The following OR9G1 variants were observed in gnomAD, a reference collection of about 807,000 sequenced individuals.
OR9G1 encodes the protein olfactory receptor 9G1.
OR9G1 carries 21 observed loss-of-function variants against 14.5 expected under a neutral mutation model. That is an observed-to-expected ratio of 1.45 (90% CI 1.03 to 2.09). OR9G1 has a LOEUF of 2.09. Among genes scored for constraint, OR9G1 ranks in the 30% most tolerant of loss-of-function variants. OR9G1 has a pLI of 0.00. For synonymous variants in OR9G1, 179 were observed against 153.3 expected (o/e 1.17, Z -1.24); for missense variants, 476 against 364.2 (o/e 1.31, Z -2.50).
intron 1 of OR9G1, 55 bp from the exon 2 acceptor site, chr11:56,700,314 TA>T: frequency 6.3e-7 from 1 of 1,575,214 alleles, no homozygotes; most frequent in Non-Finnish European, 8.6e-7. Flanking sequence ...TTATGTAACA[TA>T]ATTCTACATA....
Position 56,701,101 on chromosome 11 carries a change from C to A in OR9G1, c.714C>A (p.Ser238=). ...CCAAGGGCTACCTCAAAGCCTTCTC[C>A]ACATGCTCCTCCCACCTGACCTCTG... ...SSSKGYLKAF[S]TCSSHLTSVT... The change falls in exon 2 of 2, where the codon TCC becomes TCA. Residue 238 remains serine, a synonymous_variant. Coordinates refer to ENST00000642097, the MANE Select transcript of OR9G1 (RefSeq NM_001005213.2). 2 of 1,614,308 alleles carry A rather than the reference C, an allele frequency of 1.2e-6. No individual in the cohort carries two copies. Among genetic ancestry groups the A allele is most frequent in the Non-Finnish European group, 1.7e-6 (2 of 1,180,048 alleles).
Position 56,701,706 on chromosome 11 carries a change from C to G in OR9G1, c.*401C>G, listed in dbSNP as rs1253496699. On this transcript the variant is annotated 3_prime_UTR_variant, in exon 2 of 2. Coordinates refer to ENST00000642097, the MANE Select transcript of OR9G1 (RefSeq NM_001005213.2). The stretch of plus-strand genomic sequence containing the variant: ...ATGTTTAACTGGATGAAATTCATCA[C>G]TTTCCATTCCCTGAACAGAATATCT... The G allele has an allele frequency of 1.1e-5, 2 of 174,988 alleles. No individual in the cohort carries two copies. Among genetic ancestry groups the G allele is most frequent in the African/African-American group, 4.7e-5 (2 of 42,242 alleles). 10.8% of individuals were successfully genotyped at this position (174,988 alleles called of 1,614,324 possible).
Position 56,703,223 on chromosome 11 carries a change from T to G in OR9G1, c.*1918T>G, listed in dbSNP as rs148944479. 6.6e-5 allele frequency: 10 copies of G among 152,428 alleles called. No homozygotes were observed. The highest frequency in any genetic ancestry group is 2.4e-4 in the African/African-American group (10 of 41,610). 9.4% of individuals were successfully genotyped at this position (152,428 alleles called of 1,614,324 possible). A position where few individuals can be genotyped will look rare whatever the true frequency, so the allele number is the denominator to read the frequency against. On this transcript the variant is annotated 3_prime_UTR_variant, in exon 2 of 2. Transcript: ENST00000642097. ...AATGCAAGAAACTGAATTAGGCAGG[T>G]AGACCCAGAAAATGTACAAGATTCA...
Position 56,703,806 on chromosome 11 carries a change from A to C in OR9G1, c.*2501A>C, listed in dbSNP as rs1441891667. On this transcript the variant is annotated 3_prime_UTR_variant, in exon 2 of 2. Transcript: ENST00000642097. ...ATATGCCCATATATCCATATATTGT[A>C]AACATAGCTCGCTAAGTGCATATTC... 1 of 398 alleles carries C rather than the reference A, an allele frequency of 2.5e-3. No individual in the cohort carries two copies. Among genetic ancestry groups the C allele is most frequent in the Non-Finnish European group, 6.9e-3 (1 of 144 alleles). The allele number at this position is 398 out of a possible 1,614,324, so 0.0% of individuals were successfully genotyped here. A position where few individuals can be genotyped will look rare whatever the true frequency, so the allele number is the denominator to read the frequency against.
chr11:56,699,753 G>C (rs940171683), intron 1 of OR9G1, among the ~76,000 whole-genome samples: 2 of 152,266 alleles, frequency 1.3e-5, no homozygotes, highest in Admixed American at 6.5e-5. Context: ...TGTTATTATT[G>C]TGTTTATTAT....
chr11:56,699,474 G>C (rs545054771), intron 1 of OR9G1, among the ~76,000 whole-genome samples: 1 of 152,424 alleles, frequency 6.6e-6, no homozygotes, highest in East Asian at 1.9e-4. Context: ...GGTCCCAAGA[G>C]GAAGATCATA....
Position 56,700,284 on chromosome 11 carries a change from G to T in OR9G1, c.-18-86G>T, listed in dbSNP as rs79740513. Reference sequence around the variant, plus strand: ...TTAGATTGTTGGTTCTAGACTTCACGAAACACTGCAAATGTGATCTTATGT... The same window carrying T: ...TTAGATTGTTGGTTCTAGACTTCACTAAACACTGCAAATGTGATCTTATGT... On this transcript the variant is annotated intron_variant, in intron 1 of 1. Coordinates refer to ENST00000642097, the MANE Select transcript of OR9G1 (RefSeq NM_001005213.2). 3 of 1,952 alleles carry T rather than the reference G, an allele frequency of 1.5e-3. No individual in the cohort carries two copies. The African/African-American group carries it at 0.047, about 30-fold the overall frequency. 0.1% of individuals were successfully genotyped at this position (1,952 alleles called of 1,614,324 possible).
rs183727126 is a variant in OR9G1 at position 56,701,665 on chromosome 11, T to A, written c.*360T>A. 45 of 49,108 alleles carry A rather than the reference T, an allele frequency of 9.2e-4. No individual in the cohort carries two copies. In the East Asian group the frequency reaches 0.012, roughly 13 times the overall value. 3.0% of individuals were successfully genotyped at this position (49,108 alleles called of 1,614,324 possible). A position where few individuals can be genotyped will look rare whatever the true frequency, so the allele number is the denominator to read the frequency against. On this transcript the variant is annotated 3_prime_UTR_variant, in exon 2 of 2. Transcript: ENST00000642097. ...TAGAACTAGGAAGAATTGTGCTCAA[T>A]TTTTAATATTTTCCTATGTTTAACT... is the stretch of plus-strand genomic sequence containing the variant.
Position 56,701,399 on chromosome 11 carries a change from C to A in OR9G1, c.*94C>A. On this transcript the variant is annotated 3_prime_UTR_variant, in exon 2 of 2. Transcript: ENST00000642097. ...AGTTACCATTGTGCTTTATCGTGAT[C>A]AGTCCCCTTCTTGACACGTGAGAGT... 1 of 1,478,782 alleles carries A rather than the reference C, an allele frequency of 6.8e-7. No individual in the cohort carries two copies. The highest frequency in any genetic ancestry group is 8.9e-7 in the Non-Finnish European group (1 of 1,117,468). 91.6% of individuals were successfully genotyped at this position (1,478,782 alleles called of 1,614,324 possible).
rs1370136382 is a variant in OR9G1 at position 56,701,283 on chromosome 11, C to A, written c.896C>A (p.Ala299Asp). 6.2e-7 allele frequency: 1 copy of A among 1,605,950 alleles called. No individual in the cohort carries two copies. The change falls in exon 2 of 2, where the codon GCT (alanine) becomes GAT (aspartate). Residue 299 changes from alanine to aspartate, a missense_variant. Around this residue, in one of 3 missense-constraint regions of OR9G1, gnomAD observed 352 missense variants for 211.6 expected, o/e 1.66. Transcript: ENST00000642097. Reference protein sequence around the residue: ...YSLRNKDVKEALKKLLP With the variant: ...YSLRNKDVKEDLKKLLP The stretch of plus-strand genomic sequence containing the variant: ...CTAAGGAATAAGGATGTGAAAGAGG[C>A]TCTGAAAAAACTTCTCCCATAAATC...
rs765413286 is a variant in OR9G1, at chr11:56,701,986, CCTT to C, written c.*684_*686del. 1.3e-5 allele frequency: 2 copies of C among 152,306 alleles called. No individual in the cohort carries two copies. Among genetic ancestry groups the C allele is most frequent in the Admixed American group, 6.5e-5 (1 of 15,292 alleles). 9.4% of individuals were successfully genotyped at this position (152,306 alleles called of 1,614,324 possible). ...AAGGACTTTTACATTAAAATTGTGACCTTCTGAGCATCAAAGGGCAATTATCAT... is the reference window on the plus strand; with the variant it reads ...AAGGACTTTTACATTAAAATTGTGACCTGAGCATCAAAGGGCAATTATCAT... On this transcript the variant is annotated 3_prime_UTR_variant, in exon 2 of 2. Coordinates refer to ENST00000642097, the MANE Select transcript of OR9G1 (RefSeq NM_001005213.2).
Position 56,703,602 on chromosome 11 carries a change from C to T in OR9G1, c.*2297C>T, listed in dbSNP as rs1347229915. 6.6e-6 allele frequency: 1 copy of T among 152,320 alleles called. No individual in the cohort carries two copies. Among genetic ancestry groups the T allele is most frequent in the Non-Finnish European group, 1.5e-5 (1 of 68,068 alleles). 9.4% of individuals were successfully genotyped at this position (152,320 alleles called of 1,614,324 possible). ...GACCGAAACTAGAAAGTACATCATT[C>T]CAGAGGGAAGCATCAATTGCAGAAA... On this transcript the variant is annotated 3_prime_UTR_variant, in exon 2 of 2. Coordinates refer to ENST00000642097, the MANE Select transcript of OR9G1 (RefSeq NM_001005213.2).
At position 56,701,030 on chromosome 11, in the gene OR9G1, GCCT is replaced by G. The variant is rs1565048230; in HGVS notation, c.647_649del (p.Ser216del). On this transcript the variant is annotated inframe_deletion, in exon 2 of 2. Transcript: ENST00000642097. ...CATCTGCCCCGCAGTGCTCATCCTG[GCCT>G]CCTACCTCTTTATCATCACCAGTGT... 1 of 1,614,276 alleles carries G rather than the reference GCCT, an allele frequency of 6.2e-7. No individual in the cohort carries two copies. The highest frequency in any genetic ancestry group is 8.5e-7 in the Non-Finnish European group (1 of 1,180,024).
At position 56,701,211 on chromosome 11, in the gene OR9G1, C is replaced by T. The variant is rs1488160380; in HGVS notation, c.824C>T (p.Thr275Ile). Residue 275 changes from threonine (T) to isoleucine (I), a missense_variant, in exon 2 of 2, where the codon ACA (threonine) becomes ATA (isoleucine). Around this residue, in one of 3 missense-constraint regions of OR9G1, gnomAD observed 352 missense variants for 211.6 expected, o/e 1.66. Transcript: ENST00000642097. ...TTTGATATGGACAAAATAGTTTCTA[C>T]ATTTTACACTGTGGTATTCCCCATG... is the stretch of plus-strand genomic sequence containing the variant. ...YSFDMDKIVS[T>I]FYTVVFPMLN... 3.0e-5 allele frequency: 49 copies of T among 1,613,962 alleles called. No homozygotes were observed. Among genetic ancestry groups the T allele is most frequent in the Non-Finnish European group, 3.8e-5 (45 of 1,179,844 alleles).
chr11:56,701,393 CGT>C lies in OR9G1; in HGVS notation c.*90_*91del. ...AAACAGAGTTACCATTGTGCTTTAT[CGT>C]GATCAGTCCCCTTCTTGACACGTGA... On this transcript the variant is annotated 3_prime_UTR_variant, in exon 2 of 2. Coordinates refer to ENST00000642097, the MANE Select transcript of OR9G1 (RefSeq NM_001005213.2). 6.7e-7 allele frequency: 1 copy of C among 1,491,382 alleles called. No homozygotes were observed. The allele number at this position is 1,491,382 out of a possible 1,614,324, so 92.4% of individuals were successfully genotyped here. A position where few individuals can be genotyped will look rare whatever the true frequency, so the allele number is the denominator to read the frequency against.
In OR9G1 at chr11:56,701,403, C is replaced by A; in HGVS notation, c.*98C>A. Reference sequence around the variant, plus strand: ...ACCATTGTGCTTTATCGTGATCAGTCCCCTTCTTGACACGTGAGAGTTACA... The same window carrying A: ...ACCATTGTGCTTTATCGTGATCAGTACCCTTCTTGACACGTGAGAGTTACA... On this transcript the variant is annotated 3_prime_UTR_variant, in exon 2 of 2. Coordinates refer to ENST00000642097, the MANE Select transcript of OR9G1 (RefSeq NM_001005213.2). 2 of 1,464,422 alleles carry A rather than the reference C, an allele frequency of 1.4e-6. No homozygotes were observed. Among genetic ancestry groups the A allele is most frequent in the Non-Finnish European group, 1.8e-6 (2 of 1,106,892 alleles). 90.7% of individuals were successfully genotyped at this position (1,464,422 alleles called of 1,614,324 possible). A position where few individuals can be genotyped will look rare whatever the true frequency, so the allele number is the denominator to read the frequency against.
At position 56,700,936 on chromosome 11, in the gene OR9G1, G is replaced by A. The variant is rs1477515184; in HGVS notation, c.549G>A (p.Leu183=). 7 of 1,614,136 alleles carry A rather than the reference G, an allele frequency of 4.3e-6. No homozygotes were observed. In the African/African-American group the frequency reaches 9.3e-5, roughly 22 times the overall value. The part of the protein sequence containing the change: ...IDDFFCDLLP[L]VELACGEKGG... ...ACTTTTTCTGTGATTTGCTTCCCTT[G>A]GTGGAGCTGGCCTGTGGCGAGAAGG... The change falls in exon 2 of 2, where the codon TTG becomes TTA. Residue 183 remains leucine (L), a synonymous_variant. Transcript: ENST00000642097.
chr11:56,701,082 G>T lies in OR9G1; in HGVS notation c.695G>T (p.Gly232Val), dbSNP rs370531261. The change falls in exon 2 of 2, where the codon GGC becomes GTC. Residue 232 changes from glycine to valine, a missense_variant. This residue lies in a region of OR9G1 where 352 missense variants were observed against 211.6 expected (regional missense o/e 1.66). Coordinates refer to ENST00000642097, the MANE Select transcript of OR9G1 (RefSeq NM_001005213.2). ...GTCTTGAGGATCTCCTCCTCCAAGG[G>T]CTACCTCAAAGCCTTCTCCACATGC... The part of the protein sequence containing the change: ...TSVLRISSSK[G>V]YLKAFSTCSS... 6.2e-7 allele frequency: 1 copy of T among 1,614,300 alleles called. No individual in the cohort carries two copies. The highest frequency in any genetic ancestry group is 8.5e-7 in the Non-Finnish European group (1 of 1,180,046).
Position 56,700,843 on chromosome 11 carries a change from T to C in OR9G1, c.456T>C (p.Phe152=), listed in dbSNP as rs1484248059. The part of the protein sequence containing the change: ...LLVAVSYCGG[F]INSSIITKKT... ...TAGCAGTCTCATATTGTGGTGGCTTTATTAACTCTTCAATCATCACCAAGA... is the reference window on the plus strand; with the variant it reads ...TAGCAGTCTCATATTGTGGTGGCTTCATTAACTCTTCAATCATCACCAAGA... The change falls in exon 2 of 2, where the codon TTT becomes TTC. Residue 152 remains phenylalanine, a synonymous_variant. Coordinates refer to ENST00000642097, the MANE Select transcript of OR9G1 (RefSeq NM_001005213.2). 4 of 1,614,200 alleles carry C rather than the reference T, an allele frequency of 2.5e-6. No homozygotes were observed. Among genetic ancestry groups the C allele is most frequent in the Non-Finnish European group, 3.4e-6 (4 of 1,180,070 alleles).
Sources: gnomAD v4.1 joint callset for allele counts (sites outside exome capture counted in the v4.1 genomes callset) on GRCh38, gnomAD v4.1.1 for gene constraint, gnomAD v4.1.1 regional missense constraint, MANE v1.5 for transcripts, NCBI Gene and HGNC (gene_info 2026-07-23, HGNC 2026-07-21) for gene names.